MCHR2: variants seen among roughly 807,000 people sequenced by gnomAD.
The protein encoded by MCHR2 is melanin-concentrating hormone receptor 2.
Under a neutral mutation model 24.8 loss-of-function variants are expected in MCHR2, and 15 were observed. That is an observed-to-expected ratio of 0.60 (90% CI 0.40 to 0.93). The LOEUF is 0.93. MCHR2 is among the 40% of genes least tolerant of loss of function. The pLI is 0.00. For synonymous variants in MCHR2, 151 were observed against 147.6 expected (o/e 1.02, Z -0.17); for missense variants, 386 against 408.7 (o/e 0.94, Z 0.48).
At chr6:99,939,766 T>C (rs1774736400) in intron 4 of MCHR2, among the ~76,000 whole-genome samples, 1 of 151,654 alleles carries the variant, frequency 6.6e-6, no homozygotes, top group South Asian at 2.1e-4. Flanking sequence ...GTAAGACAGA[T>C]CTGGTGGTGG....
At chr6:99,929,043 G>C (rs1383939705) in intron 5 of MCHR2, among the ~76,000 whole-genome samples, 1 of 151,942 alleles carries the variant, frequency 6.6e-6, no homozygotes, top group Non-Finnish European at 1.5e-5. Context: ...TTGTGTCTTT[G>C]TTCTCGTTGG....
intron 4 of MCHR2, among the ~76,000 whole-genome samples, chr6:99,935,568 T>G (rs1034006478): frequency 2.6e-5 from 4 of 152,052 alleles, no homozygotes; most frequent in African/African-American, 7.2e-5. Flanking sequence ...TGAATGATAT[T>G]CTATTGTGTG....
At chr6:99,965,704 G>T (rs2114557912) in intron 1 of MCHR2, among the ~76,000 whole-genome samples, 1 of 152,114 alleles carries the variant, frequency 6.6e-6, no homozygotes, top group South Asian at 2.1e-4. Flanking sequence ...GTTTAAAAAA[G>T]AAAATATGGA....
chr6:99,975,238 G>T (rs1213691820), intron 1 of MCHR2, among the ~76,000 whole-genome samples: 4 of 152,182 alleles, frequency 2.6e-5, no homozygotes, highest in Non-Finnish European at 1.5e-5. Context: ...TGAGCTTCCA[G>T]GCTGCTTTGT....
At chr6:99,946,353 T>A (rs1774871550) in intron 3 of MCHR2, among the ~76,000 whole-genome samples, 1 of 152,216 alleles carries the variant, frequency 6.6e-6, no homozygotes, top group Non-Finnish European at 1.5e-5. Flanking sequence ...AAAAGGATAT[T>A]TAAAAATTTA....
chr6:99,987,428 A>G (rs1250534718), intron 1 of MCHR2, among the ~76,000 whole-genome samples: 1 of 152,166 alleles, frequency 6.6e-6, no homozygotes, highest in African/African-American at 2.4e-5. Flanking sequence ...TTCACAGCAT[A>G]TAGTATGCCA....
chr6:99,943,660 T>G (rs943881036), intron 3 of MCHR2, among the ~76,000 whole-genome samples: 1 of 152,086 alleles, frequency 6.6e-6, no homozygotes. Context: ...ACAAAGGACA[T>G]GAAAGTTATA....
chr6:99,978,546 G>A (rs1230801988), intron 1 of MCHR2, among the ~76,000 whole-genome samples: 2 of 150,800 alleles, frequency 1.3e-5, no homozygotes, highest in African/African-American at 4.9e-5. Flanking sequence ...AGCCTCCTGA[G>A]TAGCTGGGAC....
intron 1 of MCHR2, among the ~76,000 whole-genome samples, chr6:99,969,600 G>C (rs1417447783): frequency 1.3e-5 from 2 of 150,948 alleles, no homozygotes; most frequent in Non-Finnish European, 3.0e-5. Context: ...TAAGTTTTAG[G>C]GTTCATGTGC....
intron 1 of MCHR2, among the ~76,000 whole-genome samples, chr6:99,963,005 T>C (rs948167454): frequency 3.9e-5 from 6 of 152,062 alleles, no homozygotes; most frequent in African/African-American, 1.4e-4. Context: ...AGATGCTCAA[T>C]GTCACTAATC....
intron 1 of MCHR2, among the ~76,000 whole-genome samples, chr6:99,975,269 A>T (rs1217047732): frequency 6.6e-6 from 1 of 152,140 alleles, no homozygotes; most frequent in Non-Finnish European, 1.5e-5. Flanking sequence ...AAGCCTGGGT[A>T]ATGGCAGGTG....
chr6:99,924,535 C>T (rs1014888286), intron 5 of MCHR2, among the ~76,000 whole-genome samples: 1 of 151,976 alleles, frequency 6.6e-6, no homozygotes, highest in Non-Finnish European at 1.5e-5. Context: ...GATGTAGGCA[C>T]TTACAGCTAT....
At chr6:99,974,294 C>G (rs745796460) in intron 1 of MCHR2, among the ~76,000 whole-genome samples, 2 of 152,160 alleles carry the variant, frequency 1.3e-5, no homozygotes, top group Non-Finnish European at 2.9e-5. Flanking sequence ...TCCCTTCTCA[C>G]TTCATTTCAT....
chr6:99,975,408 T>C (rs1220862079), intron 1 of MCHR2, among the ~76,000 whole-genome samples: 1 of 152,204 alleles, frequency 6.6e-6, no homozygotes, highest in East Asian at 1.9e-4. Flanking sequence ...GTCCCGTTTT[T>C]TAAGCCCGTT....
chr6:99,921,289 A>C (rs888883709), intron 5 of MCHR2, 34 bp from the exon 6 acceptor site: 2 of 1,587,622 alleles, frequency 1.3e-6, no homozygotes, highest in Non-Finnish European at 1.7e-6. Context: ...ACAGGGTATA[A>C]ACAACCATAG....
At chr6:99,939,455 T>A (rs1774730867) in intron 4 of MCHR2, among the ~76,000 whole-genome samples, 4 of 151,998 alleles carry the variant, frequency 2.6e-5, no homozygotes, top group Admixed American at 2.6e-4. Context: ...TGGAAAAAAA[T>A]CTACATTTTA....
At chr6:99,989,241 G>A (rs996120917) in intron 1 of MCHR2, among the ~76,000 whole-genome samples, 1 of 152,010 alleles carries the variant, frequency 6.6e-6, no homozygotes, top group Non-Finnish European at 1.5e-5. Flanking sequence ...GACAGAGCAT[G>A]ACCCTGTATC....
At chr6:99,956,609 G>A (rs537060012) in intron 1 of MCHR2, among the ~76,000 whole-genome samples, 5 of 152,018 alleles carry the variant, frequency 3.3e-5, no homozygotes, top group South Asian at 2.1e-4. Flanking sequence ...TACTGAACTC[G>A]GATTGTTTAG....
intron 1 of MCHR2, among the ~76,000 whole-genome samples, chr6:99,962,027 T>C (rs1011416981): frequency 6.6e-6 from 1 of 152,186 alleles, no homozygotes; most frequent in Admixed American, 6.5e-5. Context: ...TTTTAAAATT[T>C]CTTTATTAAG....
Sources: allele counts gnomAD v4.1 joint callset (sites outside exome capture counted in the v4.1 genomes callset), GRCh38; gene constraint gnomAD v4.1.1; transcripts MANE v1.5; gene names NCBI Gene and HGNC (gene_info 2026-07-23, HGNC 2026-07-21).